The following COCH variants were observed in gnomAD, a reference collection of about 807,000 sequenced individuals.
The protein encoded by COCH is cochlin, also known as coagulation factor C homolog, cochlin (Limulus polyphemus).
A neutral mutation model predicts 54.8 loss-of-function variants in COCH; 40 were observed. That is an observed-to-expected ratio of 0.73 (90% CI 0.57 to 0.95). The LOEUF is 0.95. COCH is among the 40% of genes least tolerant of loss of function. The probability of loss-of-function intolerance (pLI) is 0.00; values close to 1 mark genes in which losing one functional copy is unlikely to be tolerated. For missense variants in COCH, 605 were observed against 675.0 expected (o/e 0.90, Z 1.15); for synonymous variants, 256 against 237.9 (o/e 1.08, Z -0.70).
At chr14:30,874,739 C>G (rs1895289374) in intron 1 of COCH, 148 bp downstream of exon 1, 2 of 651,944 alleles carry the variant, frequency 3.1e-6, no homozygotes, top group South Asian at 1.8e-5. Flanking sequence ...GGGCTTCGCT[C>G]GATTTGCCGC....
At chr14:30,890,931 T>C (rs8011187), downstream of COCH, among the ~76,000 whole-genome samples, 58,341 of 151,628 alleles carry the variant, frequency 0.38, 12,586 homozygotes, top group African/African-American at 0.57. Flanking sequence ...CTGAGCTACT[T>C]GGGAGGCTGA....
downstream of COCH, chr14:30,895,537 T>G (rs200580815): frequency 6.2e-7 from 1 of 1,614,102 alleles, no homozygotes; most frequent in Admixed American, 1.7e-5. Context: ...CTTGCACACA[T>G]GTCTTGCTGT....
At chr14:30,889,397 G>C in intron 11 of COCH, 1 of 546,760 alleles carries the variant, frequency 1.8e-6, no homozygotes, top group Non-Finnish European at 3.3e-6. Flanking sequence ...TTAATGTGGC[G>C]AATTACAGAT....
At chr14:30,895,236 A>C (rs1363003943), downstream of COCH, 5 of 664,090 alleles carry the variant, frequency 7.5e-6, no homozygotes, top group South Asian at 2.5e-5. Flanking sequence ...CAGTAATTAC[A>C]GTTAACTTAA....
rs774290415 is a variant in COCH, at chr14:30,877,576, C to T, written c.87C>T (p.Pro29=). 3.3e-5 allele frequency: 54 copies of T among 1,614,054 alleles called. No individual in the cohort carries two copies. The Admixed American group carries it at 8.8e-4, about 26-fold the overall frequency. Residue 29 remains proline, a synonymous_variant, in exon 4 of 12, where the codon CCC becomes CCT. Coordinates refer to ENST00000396618, the MANE Select transcript of COCH (RefSeq NM_004086.3). The surrounding 1 kb of genome is among the most constrained non-coding windows in gnomAD (Gnocchi z 8.6). The part of the protein sequence containing the change: ...PGPAGSEGAA[P]IAITCFTRGL... ...TATTATCTCCTTTTTCTTCAGCTCC[C>T]ATTGCTATCACATGTTTTACCAGAG...
chr14:30,889,547 C>T (rs1407298377), intron 11 of COCH, 69 bp from the exon 12 acceptor site: 1 of 1,361,418 alleles, frequency 7.3e-7, no homozygotes, highest in African/African-American at 1.4e-5. Context: ...GTATGGAAAA[C>T]ATATAGACAT....
At chr14:30,889,378 A>T in intron 11 of COCH, 1 of 514,006 alleles carries the variant, frequency 1.9e-6, no homozygotes, top group Non-Finnish European at 3.5e-6. Flanking sequence ...ATCAGTGATG[A>T]CTTACCTGTT....
At chr14:30,876,800 T>A (rs573805342) in intron 3 of COCH, among the ~76,000 whole-genome samples, 96 of 149,236 alleles carry the variant, frequency 6.4e-4, no homozygotes, top group East Asian at 1.8e-3. Flanking sequence ...GATTTAAAAA[T>A]TTTTTTTTTT....
At chr14:30,895,357 G>A, downstream of COCH, 7 of 1,526,324 alleles carry the variant, frequency 4.6e-6, no homozygotes, top group South Asian at 8.9e-5. Context: ...TGGCAGTGAT[G>A]CAGACCCTCT....
At chr14:30,889,338 T>C (rs186730451) in intron 11 of COCH, 3 of 406,768 alleles carry the variant, frequency 7.4e-6, no homozygotes, top group Admixed American at 7.6e-5. Context: ...CTGTCATTAA[T>C]GGATATTGAA....
At chr14:30,889,405 G>GAT (rs1326749079) in intron 11 of COCH, 1 of 558,984 alleles carries the variant, frequency 1.8e-6, no homozygotes, top group Non-Finnish European at 3.2e-6. Context: ...GCGAATTACA[G>GAT]ATATAGCAGA....
At chr14:30,880,847 T>TGAA in intron 8 of COCH, 113 bp downstream of exon 8, 2 of 800,092 alleles carry the variant, frequency 2.5e-6, no homozygotes, top group Non-Finnish European at 4.2e-6. Flanking sequence ...ATACAATGTA[T>TGAA]AGTGGTCAAA....
rs771810191 is a variant in COCH, at chr14:30,880,601, A to G, written c.496A>G (p.Ile166Val). The G allele has an allele frequency of 2.3e-5, 37 of 1,614,044 alleles. No individual in the cohort carries two copies. In the Admixed American group the frequency reaches 3.7e-4, roughly 16 times the overall value. The change falls in exon 8 of 12, where the codon ATT becomes GTT. Residue 166 changes from isoleucine to valine, a missense_variant. Transcript: ENST00000396618. ...KTGNKDCKAD[I>V]AFLIDGSFNI... ...GTTGTTCGCAGATTGTAAAGCAGAC[A>G]TTGCATTTCTGATTGATGGAAGCTT...
downstream of COCH, among the ~76,000 whole-genome samples, chr14:30,892,864 A>C (rs1277657872): frequency 6.6e-6 from 1 of 152,126 alleles, no homozygotes; most frequent in African/African-American, 2.4e-5. Context: ...TCAATGACTA[A>C]AATTGCCACT....
At chr14:30,893,149 ATTTTTTT>A (rs754080275), downstream of COCH, among the ~76,000 whole-genome samples, 41 of 91,246 alleles carry the variant, frequency 4.5e-4, no homozygotes, top group East Asian at 1.8e-3. Context: ...AAAAACCACA[ATTTTTTT>A]TTTTTTTTTT....
intron 3 of COCH, 157 bp downstream of exon 3, chr14:30,875,260 C>T: frequency 9.5e-7 from 1 of 1,047,140 alleles, no homozygotes; most frequent in Non-Finnish European, 1.4e-6. Flanking sequence ...GCGTTAACCC[C>T]TGCAGCCGAT....
At chr14:30,895,497 C>A, downstream of COCH, 1 of 1,614,046 alleles carries the variant, frequency 6.2e-7, no homozygotes, top group Non-Finnish European at 8.5e-7. Flanking sequence ...TAAATTGATT[C>A]ATCCAATTTC....
chr14:30,879,635 G>T (rs1375490822), intron 6 of COCH, 150 bp downstream of exon 6: 1 of 774,416 alleles, frequency 1.3e-6, no homozygotes, highest in Non-Finnish European at 2.2e-6. Context: ...TATTACATAT[G>T]GAAACATTCA....
At chr14:30,893,149 ATTTTTTTTTTT>A (rs754080275), downstream of COCH, among the ~76,000 whole-genome samples, 3,373 of 91,278 alleles carry the variant, frequency 0.037, 74 homozygotes, top group Non-Finnish European at 0.054. Context: ...AAAAACCACA[ATTTTTTTTTTT>A]TTTTTTTTTT....
Sources: allele counts gnomAD v4.1 joint callset (sites outside exome capture counted in the v4.1 genomes callset), GRCh38; gene constraint gnomAD v4.1.1; non-coding constraint Gnocchi (gnomAD v3.1); transcripts MANE v1.5; gene names NCBI Gene and HGNC (gene_info 2026-07-23, HGNC 2026-07-21).